RTTN: variants seen among roughly 807,000 people sequenced by gnomAD.
RTTN encodes the protein rotatin.
Under a neutral mutation model 269.2 loss-of-function variants are expected in RTTN, and 182 were observed. The ratio of observed to expected loss-of-function variants is 0.68; its 90% CI spans 0.60 to 0.76. RTTN has a LOEUF of 0.76. Among genes scored for constraint, RTTN ranks in the 30% least tolerant of loss-of-function variants. The pLI, the probability that RTTN is intolerant of heterozygous loss-of-function variation, is 0.00. For missense variants in RTTN, 2,545 were observed against 2,608.6 expected, an observed-to-expected ratio of 0.98 and a Z score of 0.53; for synonymous variants, 1,006 against 963.5, an observed-to-expected ratio of 1.04 and a Z score of -0.82.
intron 32 of RTTN, among the ~76,000 whole-genome samples, chr18:70,078,057 T>G (rs1385973537): frequency 2.0e-5 from 3 of 150,184 alleles, no homozygotes; most frequent in Non-Finnish European, 3.0e-5. Context: ...ATATAGAAGA[T>G]CCAAATCTTC....
intron 32 of RTTN, among the ~76,000 whole-genome samples, chr18:70,083,793 G>A (rs2058630965): frequency 1.3e-5 from 2 of 152,048 alleles, no homozygotes; most frequent in South Asian, 4.1e-4. Context: ...TAGAAGGTAA[G>A]CTGGGTGTGG....
intron 39 of RTTN, among the ~76,000 whole-genome samples, chr18:70,049,064 G>A (rs2057579034): frequency 6.6e-6 from 1 of 152,156 alleles, no homozygotes; most frequent in Admixed American, 6.5e-5. Flanking sequence ...AAGAAATAGT[G>A]TTAGATAAAT....
At chr18:70,046,210 G>C (rs143284075) in intron 40 of RTTN, among the ~76,000 whole-genome samples, 49 of 152,272 alleles carry the variant, frequency 3.2e-4, no homozygotes, top group African/African-American at 1.2e-3. Context: ...TGCCTGGCTG[G>C]AAGTCTTTAA....
Position 70,123,402 on chromosome 18 carries a change from T to A in RTTN, c.3384-1702A>T, listed in dbSNP as rs80074302. On this transcript the variant is annotated intron_variant, in intron 25 of 48. Coordinates refer to ENST00000640769, the MANE Select transcript of RTTN (RefSeq NM_173630.4). ...AAACATATATTATTATTAACTATAG[T>A]CACTATGCTGTAAGAGATCACCAGA... is the stretch of plus-strand genomic sequence containing the variant. 6.9e-4 allele frequency among the ~76,000 whole-genome samples: 105 copies of A among 152,202 alleles called. 1 individual carries two copies. Among genetic ancestry groups the A allele is most frequent in the African/African-American group, 2.4e-3 (98 of 41,568 alleles).
chr18:70,006,264 T>C (rs1437688558), intron 47 of RTTN, 117 bp downstream of exon 47: 1 of 670,772 alleles, frequency 1.5e-6, no homozygotes, highest in Non-Finnish European at 2.6e-6. Context: ...GATCTTTGAT[T>C]TTGTCTTTTT....
At chr18:70,116,318 T>C (rs1175783680) in intron 26 of RTTN, among the ~76,000 whole-genome samples, 4 of 152,054 alleles carry the variant, frequency 2.6e-5, no homozygotes, top group African/African-American at 9.7e-5. Flanking sequence ...CTACTATTAA[T>C]ACATGAATAT....
At chr18:70,160,650 T>C (rs1350697401) in intron 14 of RTTN, among the ~76,000 whole-genome samples, 2 of 117,016 alleles carry the variant, frequency 1.7e-5, no homozygotes. Flanking sequence ...CAGATGATTC[T>C]ATACCTGAAA....
chr18:70,049,143 G>A (rs913789834), intron 39 of RTTN, among the ~76,000 whole-genome samples: 5 of 152,138 alleles, frequency 3.3e-5, no homozygotes, highest in African/African-American at 1.2e-4. Context: ...ATACTCTGCA[G>A]GTAACTGGCT....
intron 14 of RTTN, among the ~76,000 whole-genome samples, chr18:70,165,338 TACA>T (rs375603521): frequency 0.012 from 1,857 of 151,632 alleles, 22 homozygotes; most frequent in South Asian, 0.037. Flanking sequence ...ATAAATAATA[TACA>T]ACAACTGGAT....
chr18:70,017,286 G>C, intron 46 of RTTN, 121 bp downstream of exon 46: 2 of 960,668 alleles, frequency 2.1e-6, no homozygotes, highest in Admixed American at 5.1e-5. Flanking sequence ...CTTCCACAGT[G>C]CTTTGAACAC....
intron 34 of RTTN, among the ~76,000 whole-genome samples, chr18:70,073,018 A>T (rs74753783): frequency 0.019 from 2,946 of 152,248 alleles, 96 homozygotes; most frequent in African/African-American, 0.066. Flanking sequence ...CTTTTGAGAA[A>T]CTAGGAGATA....
At chr18:70,103,581 C>T (rs557260775) in intron 28 of RTTN, among the ~76,000 whole-genome samples, 49 of 151,936 alleles carry the variant, frequency 3.2e-4, no homozygotes, top group African/African-American at 1.2e-3. Context: ...GAGTCACCAC[C>T]ACTCCCTAAT....
intron 34 of RTTN, 91 bp downstream of exon 34, chr18:70,073,815 C>A: frequency 1.1e-6 from 1 of 890,710 alleles, no homozygotes; most frequent in Non-Finnish European, 1.8e-6. Flanking sequence ...CTGTTATAAC[C>A]TTACACTTTG....
At chr18:70,145,419 GGT>G (rs2060363282) in intron 18 of RTTN, among the ~76,000 whole-genome samples, 191 bp downstream of exon 18, 2 of 152,004 alleles carry the variant, frequency 1.3e-5, no homozygotes, top group Admixed American at 1.3e-4. Flanking sequence ...GTGCCAAAAA[GGT>G]TGGGACCACT....
chr18:70,047,340 A>T (rs2057519604), intron 40 of RTTN, among the ~76,000 whole-genome samples: 1 of 152,396 alleles, frequency 6.6e-6, no homozygotes, highest in South Asian at 2.1e-4. Flanking sequence ...TACAACTTTA[A>T]CTTAGTAAAC....
chr18:70,171,085 G>A (rs1255456104), intron 11 of RTTN, among the ~76,000 whole-genome samples: 7 of 152,142 alleles, frequency 4.6e-5, no homozygotes, highest in Admixed American at 3.9e-4. Context: ...ACATCAAAAA[G>A]GACACTGGAT....
intron 21 of RTTN, among the ~76,000 whole-genome samples, chr18:70,135,734 G>A (rs879507758): frequency 5.3e-5 from 8 of 152,204 alleles, no homozygotes; most frequent in Admixed American, 5.2e-4. Flanking sequence ...CACAGAACTT[G>A]GATTTGACTT....
chr18:70,017,160 C>T (rs2056565160), intron 46 of RTTN, among the ~76,000 whole-genome samples: 2 of 152,094 alleles, frequency 1.3e-5, no homozygotes, highest in Admixed American at 6.5e-5. Flanking sequence ...CCCTCGTCCA[C>T]GGCTCCCCTT....
At chr18:70,151,522 C>T (rs1391065770) in intron 14 of RTTN, among the ~76,000 whole-genome samples, 2 of 151,912 alleles carry the variant, frequency 1.3e-5, no homozygotes, top group Non-Finnish European at 2.9e-5. Flanking sequence ...ATTTCTACTT[C>T]CTATTATCAA....
Sources: gnomAD v4.1 joint callset for allele counts (sites outside exome capture counted in the v4.1 genomes callset) on GRCh38, gnomAD v4.1.1 for gene constraint, MANE v1.5 for transcripts, NCBI Gene and HGNC (gene_info 2026-07-23, HGNC 2026-07-21) for gene names.